Variants in TSHZ2 observed in about 807,000 individuals in gnomAD.
The protein encoded by TSHZ2 is teashirt zinc finger homeobox 2, also known as teashirt homolog 2.
In TSHZ2, 21 loss-of-function variants were observed where a neutral mutation model predicts 74.4. The ratio of observed to expected loss-of-function variants is 0.28; its 90% confidence interval spans 0.20 to 0.41. The LOEUF (loss-of-function observed/expected upper bound fraction) is 0.41. TSHZ2 is among the 10% of genes least tolerant of loss of function. TSHZ2 has a pLI of 1.00. For missense variants in TSHZ2, 1,244 were observed against 1,293.5 expected, an observed-to-expected ratio of 0.96 and a Z score of 0.59; for synonymous variants, 540 against 515.3, an observed-to-expected ratio of 1.05 and a Z score of -0.65.
At chr20:53,050,124 T>TATATATACACACAC (rs1409158633) in intron 1 of TSHZ2, among the ~76,000 whole-genome samples, 1 of 107,236 alleles carries the variant, frequency 9.3e-6, no homozygotes, top group African/African-American at 6.4e-5. Context: ...TATATATATA[T>TATATATACACACAC]ACACATATAT....
At chr20:53,209,804 T>C (rs1473511728) in intron 1 of TSHZ2, among the ~76,000 whole-genome samples, 1 of 152,166 alleles carries the variant, frequency 6.6e-6, no homozygotes, top group African/African-American at 2.4e-5. Flanking sequence ...ACGTGGAACC[T>C]GCAGATGTGA....
chr20:53,406,971 C>T (rs1239295450), intron 2 of TSHZ2, among the ~76,000 whole-genome samples: 1 of 152,126 alleles, frequency 6.6e-6, no homozygotes, highest in African/African-American at 2.4e-5. Context: ...GATGCCAACC[C>T]CAAACTCAGC....
intron 1 of TSHZ2, among the ~76,000 whole-genome samples, chr20:53,003,025 A>G (rs2122968496): frequency 6.6e-6 from 1 of 152,316 alleles, no homozygotes; most frequent in Middle Eastern, 3.4e-3. Context: ...TTGTGCTTCT[A>G]CGTTGTAGAC....
chr20:53,462,625 C>T (rs1243027043), intron 2 of TSHZ2, among the ~76,000 whole-genome samples: 3 of 152,200 alleles, frequency 2.0e-5, no homozygotes, highest in Non-Finnish European at 4.4e-5. Flanking sequence ...GAGGACTGAA[C>T]ATTTTCTAGT....
At chr20:53,317,396 G>A (rs1016617421) in intron 2 of TSHZ2, among the ~76,000 whole-genome samples, 48 of 152,228 alleles carry the variant, frequency 3.2e-4, no homozygotes, top group African/African-American at 1.1e-3. Context: ...AATATTGATT[G>A]CATTGATCTC....
intron 2 of TSHZ2, among the ~76,000 whole-genome samples, chr20:53,308,971 A>G (rs1568862276): frequency 6.6e-6 from 1 of 152,204 alleles, no homozygotes; most frequent in Non-Finnish European, 1.5e-5. Flanking sequence ...GGTTTTAACA[A>G]TGACAGAGAA....
chr20:53,201,413 G>T (rs1989000702), intron 1 of TSHZ2, among the ~76,000 whole-genome samples: 1 of 152,080 alleles, frequency 6.6e-6, no homozygotes, highest in African/African-American at 2.4e-5. Context: ...TTTTCAAGCA[G>T]GGAATTGCAT....
chr20:53,415,487 T>TGCACCCCAC (rs1357976668), intron 2 of TSHZ2, among the ~76,000 whole-genome samples: 3 of 151,902 alleles, frequency 2.0e-5, no homozygotes, highest in African/African-American at 7.3e-5. Flanking sequence ...AGGCACCCCA[T>TGCACCCCAC]GCACCCCACA....
intron 1 of TSHZ2, among the ~76,000 whole-genome samples, chr20:53,231,273 T>C (rs1041586274): frequency 3.9e-5 from 6 of 152,236 alleles, no homozygotes; most frequent in Non-Finnish European, 8.8e-5. Context: ...ATCCTGCATA[T>C]ACAAATCATT....
At chr20:53,024,821 T>C (rs1474903793) in intron 1 of TSHZ2, among the ~76,000 whole-genome samples, 1 of 152,202 alleles carries the variant, frequency 6.6e-6, no homozygotes, top group East Asian at 1.9e-4. Context: ...GCAAAGGACG[T>C]GGACTCATCC....
chr20:53,303,436 C>T (rs1398181384), intron 2 of TSHZ2, among the ~76,000 whole-genome samples: 1 of 152,160 alleles, frequency 6.6e-6, no homozygotes, highest in Admixed American at 6.5e-5. Flanking sequence ...TCATCAACAG[C>T]ACAACTGGAA....
At chr20:53,040,923 T>C (rs57536214) in intron 1 of TSHZ2, among the ~76,000 whole-genome samples, 9,130 of 152,204 alleles carry the variant, frequency 0.06, 322 homozygotes, top group Middle Eastern at 0.068. Flanking sequence ...GTTGTTCCTA[T>C]TCACACAGCA....
chr20:53,036,536 A>G (rs997569371), intron 1 of TSHZ2, among the ~76,000 whole-genome samples: 1 of 150,570 alleles, frequency 6.6e-6, no homozygotes, highest in African/African-American at 2.4e-5. Flanking sequence ...ACACATATAT[A>G]TTAGAAAGAA....
intron 2 of TSHZ2, among the ~76,000 whole-genome samples, chr20:53,432,633 C>T (rs1357713490): frequency 6.6e-6 from 1 of 152,178 alleles, no homozygotes; most frequent in African/African-American, 2.4e-5. Context: ...ATGCCAACAT[C>T]TATTGTTTTT....
chr20:53,263,350 C>T (rs879326674), intron 2 of TSHZ2, among the ~76,000 whole-genome samples: 6 of 152,228 alleles, frequency 3.9e-5, no homozygotes, highest in African/African-American at 1.2e-4. Context: ...GTTTATTTGC[C>T]GCAAACAGTG....
Position 53,488,335 on chromosome 20 carries a change from TAC to T in TSHZ2, c.*1201_*1202del, listed in dbSNP as rs1467462471. 1 of 152,206 alleles carries T rather than the reference TAC, an allele frequency of 6.6e-6. No individual in the cohort carries two copies. Among genetic ancestry groups the T allele is most frequent in the African/African-American group, 2.4e-5 (1 of 41,452 alleles). 9.4% of individuals were successfully genotyped at this position (152,206 alleles called of 1,614,324 possible). On this transcript the variant is annotated 3_prime_UTR_variant, in exon 3 of 3. Coordinates refer to ENST00000371497, the MANE Select transcript of TSHZ2 (RefSeq NM_173485.6). ...GGATTTTTAACGGATGTCTTAATTA[TAC>T]GTTATTATTAACGGGAATACTGTAT... is the stretch of plus-strand genomic sequence containing the variant.
chr20:53,195,296 T>C lies in TSHZ2; in HGVS notation c.41-58203T>C, dbSNP rs145967008. On this transcript the variant is annotated intron_variant, in intron 1 of 2. Transcript: ENST00000371497. ...ATATATATATATACACACACACACA[T>C]ATATATTCTTGGGATCTATTTGTTC... is the stretch of plus-strand genomic sequence containing the variant. Among the ~76,000 whole-genome samples the C allele has an allele frequency of 2.0e-3, 302 of 152,224 alleles. 3 individuals carry two copies. Among genetic ancestry groups the C allele is most frequent in the African/African-American group, 7.0e-3 (292 of 41,534 alleles).
chr20:53,014,983 T>C (rs749224916), intron 1 of TSHZ2, among the ~76,000 whole-genome samples: 3 of 152,198 alleles, frequency 2.0e-5, no homozygotes, highest in Non-Finnish European at 4.4e-5. Flanking sequence ...CTCCTCTGCC[T>C]ACCTCCCCAC....
At chr20:52,982,878 G>C (rs554481366) in intron 1 of TSHZ2, among the ~76,000 whole-genome samples, 14 of 152,166 alleles carry the variant, frequency 9.2e-5, no homozygotes, top group Non-Finnish European at 1.6e-4. Context: ...AGCAGTCCAG[G>C]CAGAGGAAGG....
Sources: allele counts gnomAD v4.1 joint callset (sites outside exome capture counted in the v4.1 genomes callset), GRCh38; gene constraint gnomAD v4.1.1; transcripts MANE v1.5; gene names NCBI Gene and HGNC (gene_info 2026-07-23, HGNC 2026-07-21).